MIPOL1: variants seen among roughly 807,000 people sequenced by gnomAD.
MIPOL1 encodes mirror-image polydactyly 1.
Under a neutral mutation model 60.9 loss-of-function variants are expected in MIPOL1, and 57 were observed. The observed-to-expected ratio is 0.94, with a 90% CI of 0.76 to 1.17. The LOEUF is 1.17. Among genes scored for constraint, MIPOL1 ranks in the 50% most tolerant of loss-of-function variants. The probability of loss-of-function intolerance (pLI) is 0.00; values close to 1 mark genes in which losing one functional copy is unlikely to be tolerated. For synonymous variants in MIPOL1, 179 were observed against 168.8 expected (o/e 1.06, Z -0.47); for missense variants, 551 against 511.6 (o/e 1.08, Z -0.74).
At chr14:37,222,555 G>C (rs2097799401) in intron 1 of MIPOL1, among the ~76,000 whole-genome samples, 4 of 152,012 alleles carry the variant, frequency 2.6e-5, no homozygotes, top group Admixed American at 2.0e-4. Flanking sequence ...TTTTGGGCAT[G>C]GACATAATTA....
intron 11 of MIPOL1, among the ~76,000 whole-genome samples, chr14:37,461,936 G>A (rs2094543874): frequency 6.6e-6 from 1 of 152,156 alleles, no homozygotes; most frequent in South Asian, 2.1e-4. Context: ...CACAGTGCAA[G>A]CTGTCAGTAG....
intron 9 of MIPOL1, among the ~76,000 whole-genome samples, chr14:37,340,814 A>G (rs1215618082): frequency 2.0e-5 from 3 of 152,186 alleles, no homozygotes; most frequent in Admixed American, 6.5e-5. Context: ...GTAGTGTACA[A>G]AAATGTCCTA....
chr14:37,308,451 T>C lies in MIPOL1; in HGVS notation c.760T>C (p.Cys254Arg), dbSNP rs1459201813. 3.7e-6 allele frequency: 6 copies of C among 1,604,558 alleles called. No individual in the cohort carries two copies. The highest frequency in any genetic ancestry group is 2.7e-5 in the African/African-American group (2 of 74,486). The change falls in exon 9 of 13, where the codon TGT becomes CGT. Residue 254 changes from cysteine to arginine, a missense_variant. Transcript: ENST00000684589. ...GGATAGAATCTACAAGACCAAGGAA[T>C]GTAAAATGAGAATAACTGCAGAAGA... The part of the protein sequence containing the change: ...IVDRIYKTKE[C>R]KMRITAEEMS...
Position 37,520,732 on chromosome 14 carries a change from C to G in MIPOL1, c.1262+20594C>G, listed in dbSNP as rs985070630. Among the ~76,000 whole-genome samples, 5 of 151,736 alleles carry G rather than the reference C, an allele frequency of 3.3e-5. 1 individual carries two copies. Among genetic ancestry groups the G allele is most frequent in the Non-Finnish European group, 7.4e-5 (5 of 67,944 alleles). On this transcript the variant is annotated intron_variant, in intron 12 of 12. Coordinates refer to ENST00000684589, the MANE Select transcript of MIPOL1 (RefSeq NM_001388067.1). Reference sequence around the variant, plus strand: ...CTTTTATTTAAAACAATCTTTAATACTTATAATATGTAACATCACATGATG... The same window carrying G: ...CTTTTATTTAAAACAATCTTTAATAGTTATAATATGTAACATCACATGATG...
rs1317431087 is a variant in MIPOL1 at position 37,315,601 on chromosome 14, A to C, written c.828+7082A>C. ...TGGATTTGGACATAAAGGAGCAGAA[A>C]GAATTAAGGCTAACTTCTGTATTTG... On this transcript the variant is annotated intron_variant, in intron 9 of 12. Transcript: ENST00000684589. Among the ~76,000 whole-genome samples the C allele has an allele frequency of 3.9e-5, 6 of 152,348 alleles. No homozygotes were observed. The East Asian group carries it at 1.2e-3, about 29-fold the overall frequency.
At chr14:37,472,432 G>A (rs1361348454) in intron 11 of MIPOL1, among the ~76,000 whole-genome samples, 1 of 66,568 alleles carries the variant, frequency 1.5e-5, no homozygotes, top group African/African-American at 6.7e-5. Context: ...TCCAATTATG[G>A]AGAAACTAAC....
intron 7 of MIPOL1, among the ~76,000 whole-genome samples, chr14:37,297,253 C>A (rs1252565308): frequency 4.6e-5 from 7 of 152,160 alleles, no homozygotes; most frequent in Non-Finnish European, 1.0e-4. Flanking sequence ...CAAAATTCAA[C>A]AACCTTCATG....
chr14:37,230,976 C>T (rs1420715454), intron 1 of MIPOL1, among the ~76,000 whole-genome samples: 4 of 151,692 alleles, frequency 2.6e-5, no homozygotes, highest in Non-Finnish European at 5.9e-5. Flanking sequence ...TGTTATTTTC[C>T]GGTTATCTGT....
chr14:37,361,286 T>C (rs558969507), intron 9 of MIPOL1, among the ~76,000 whole-genome samples: 2 of 152,304 alleles, frequency 1.3e-5, no homozygotes, highest in East Asian at 3.9e-4. Context: ...GAGAAGAATA[T>C]GTATTCTGTT....
rs571295910 is a variant in MIPOL1 at position 37,359,735 on chromosome 14, G to A, written c.829-9782G>A. On this transcript the variant is annotated intron_variant, in intron 9 of 12. Coordinates refer to ENST00000684589, the MANE Select transcript of MIPOL1 (RefSeq NM_001388067.1). The stretch of plus-strand genomic sequence containing the variant: ...ACTTAAGGAGATTTTGGACTGAGAC[G>A]ATGGGGTTTTCTAAATATACAATCA... Among the ~76,000 whole-genome samples, 8 of 152,290 alleles carry A rather than the reference G, an allele frequency of 5.3e-5. No individual in the cohort carries two copies. The South Asian group carries it at 8.3e-4, about 16-fold the overall frequency.
intron 7 of MIPOL1, 35 bp downstream of exon 7, chr14:37,285,482 G>C: frequency 1.3e-6 from 2 of 1,598,690 alleles, no homozygotes; most frequent in African/African-American, 2.7e-5. Context: ...ATGATATTAG[G>C]AACACTTATA....
intron 11 of MIPOL1, among the ~76,000 whole-genome samples, chr14:37,492,124 G>A (rs1020956266): frequency 3.3e-5 from 5 of 152,260 alleles, no homozygotes; most frequent in Non-Finnish European, 5.9e-5. Flanking sequence ...TTACAAGCAT[G>A]AGCCACCATG....
chr14:37,424,659 G>A (rs1209060897), intron 11 of MIPOL1, among the ~76,000 whole-genome samples: 5 of 152,202 alleles, frequency 3.3e-5, no homozygotes, highest in Non-Finnish European at 7.3e-5. Flanking sequence ...AAGTATGTTT[G>A]GTTGGTCACT....
chr14:37,407,964 C>T (rs1446165326), intron 10 of MIPOL1, among the ~76,000 whole-genome samples: 1 of 150,238 alleles, frequency 6.7e-6, no homozygotes, highest in African/African-American at 2.4e-5. Context: ...GTACTCCTGC[C>T]TCAGCCTCCT....
chr14:37,450,702 G>T (rs1276785067), intron 11 of MIPOL1, among the ~76,000 whole-genome samples: 4 of 151,858 alleles, frequency 2.6e-5, no homozygotes, highest in African/African-American at 4.8e-5. Flanking sequence ...TTTTCCCCTT[G>T]ATGTCTCTCT....
At chr14:37,353,948 G>C (rs1462139240) in intron 9 of MIPOL1, among the ~76,000 whole-genome samples, 1 of 151,864 alleles carries the variant, frequency 6.6e-6, no homozygotes, top group Non-Finnish European at 1.5e-5. Flanking sequence ...CCTTCTGCTA[G>C]CTTTTGAATG....
intron 10 of MIPOL1, among the ~76,000 whole-genome samples, chr14:37,375,925 T>C (rs556880107): frequency 6.6e-6 from 1 of 152,156 alleles, no homozygotes; most frequent in Admixed American, 6.6e-5. Context: ...CTTTGTTTGC[T>C]CTTCCTTACT....
At chr14:37,199,439 G>C (rs1181419196) in intron 1 of MIPOL1, among the ~76,000 whole-genome samples, 1 of 152,104 alleles carries the variant, frequency 6.6e-6, no homozygotes, top group Non-Finnish European at 1.5e-5. Flanking sequence ...CATGCTGTAT[G>C]TATAGTATTT....
chr14:37,315,721 G>C (rs1364926158), intron 9 of MIPOL1, among the ~76,000 whole-genome samples: 2 of 152,044 alleles, frequency 1.3e-5, no homozygotes, highest in Non-Finnish European at 2.9e-5. Context: ...ATTCTCTTTT[G>C]GATATGGTAT....
Sources: gnomAD v4.1 joint callset for allele counts (sites outside exome capture counted in the v4.1 genomes callset) on GRCh38, gnomAD v4.1.1 for gene constraint, MANE v1.5 for transcripts, NCBI Gene and HGNC (gene_info 2026-07-23, HGNC 2026-07-21) for gene names.